Variants in THSD7B observed in about 807,000 individuals in gnomAD.
THSD7B encodes thrombospondin type-1 domain-containing protein 7B.
A neutral mutation model predicts 213.6 loss-of-function variants in THSD7B; 138 were observed. That is an observed-to-expected ratio of 0.65 (90% CI 0.56 to 0.74). THSD7B has a LOEUF of 0.74. Ranked by LOEUF, THSD7B falls within the 30% of genes least tolerant of loss-of-function variation. The probability of loss-of-function intolerance (pLI) is 0.00; values close to 1 mark genes in which losing one functional copy is unlikely to be tolerated. For synonymous variants in THSD7B, 742 were observed against 687.0 expected, an observed-to-expected ratio of 1.08 and a Z score of -1.25; for missense variants, 1,931 against 1,991.5, an observed-to-expected ratio of 0.97 and a Z score of 0.58.
chr2:137,086,203 G>C (rs183267164), intron 3 of THSD7B, among the ~76,000 whole-genome samples: 35 of 152,192 alleles, frequency 2.3e-4, no homozygotes, highest in African/African-American at 7.9e-4. Flanking sequence ...TGGGCGTGAT[G>C]GTGCACGCCT....
At chr2:137,204,386 AT>A (rs1308550079) in intron 7 of THSD7B, among the ~76,000 whole-genome samples, 1 of 152,056 alleles carries the variant, frequency 6.6e-6, no homozygotes, top group African/African-American at 2.4e-5. Flanking sequence ...TCCAGGTGGT[AT>A]TGTCTTCTGA....
chr2:137,620,651 G>A lies in THSD7B; in HGVS notation c.3724G>A (p.Val1242Met). The change falls in exon 20 of 28, where the codon GTG becomes ATG. Residue 1242 changes from valine (V) to methionine (M), a missense_variant. Physicochemically the swap from Val to Met is conservative, Grantham distance 21. Transcript: ENST00000409968. ...CCAGAGAATGAGCATTCCCTGCTTGGTGGAATGCGTGGTCAACTGTCAGCT... is the reference window on the plus strand; with the variant it reads ...CCAGAGAATGAGCATTCCCTGCTTGATGGAATGCGTGGTCAACTGTCAGCT... Reference protein sequence around the residue: ...KPQRMSIPCLVECVVNCQLSG... With the variant: ...KPQRMSIPCLMECVVNCQLSG... 1.2e-6 allele frequency: 2 copies of A among 1,613,952 alleles called. No homozygotes were observed. The highest frequency in any genetic ancestry group is 2.2e-5 in the East Asian group (1 of 44,880).
chr2:137,645,356 A>G (rs923746490), intron 21 of THSD7B, among the ~76,000 whole-genome samples: 2 of 152,208 alleles, frequency 1.3e-5, no homozygotes, highest in African/African-American at 4.8e-5. Flanking sequence ...GCTCTAGGCA[A>G]TGGAGAGTTA....
intron 7 of THSD7B, among the ~76,000 whole-genome samples, chr2:137,178,420 T>C (rs907443020): frequency 9.9e-5 from 15 of 152,212 alleles, no homozygotes; most frequent in African/African-American, 3.6e-4. Context: ...AAATACATTG[T>C]ATTAAATTTT....
At chr2:136,802,642 TATATA>T (rs1573644851) in intron 1 of THSD7B, among the ~76,000 whole-genome samples, 2 of 60,360 alleles carry the variant, frequency 3.3e-5, no homozygotes, top group East Asian at 1.2e-3. Flanking sequence ...ATTAAGTTTA[TATATA>T]TATATATATA....
At chr2:137,297,246 T>C (rs1016814871) in intron 12 of THSD7B, among the ~76,000 whole-genome samples, 12 of 149,372 alleles carry the variant, frequency 8.0e-5, no homozygotes, top group African/African-American at 3.0e-4. Context: ...ATCGCACCAC[T>C]ATTCTCCAGC....
At position 136,859,010 on chromosome 2, in the gene THSD7B, T is replaced by C. The variant is rs529516953; in HGVS notation, c.-35-23134T>C. On this transcript the variant is annotated intron_variant, in intron 1 of 27. Transcript: ENST00000409968. ...TGGAAATGCTGGTTGGGCTGACAGT[T>C]CCTGTTTCTTTCCCACGTGTGGGAA... 2.6e-5 allele frequency among the ~76,000 whole-genome samples: 4 copies of C among 152,304 alleles called. No individual in the cohort carries two copies. The South Asian group carries it at 8.3e-4, about 32-fold the overall frequency.
At chr2:137,166,197 G>A in intron 6 of THSD7B, among the ~76,000 whole-genome samples, 1 of 152,046 alleles carries the variant, frequency 6.6e-6, no homozygotes, top group Non-Finnish European at 1.5e-5. Flanking sequence ...TGATCGGCAG[G>A]TTGGTGCTTG....
chr2:136,822,208 G>A (rs1438402143), intron 1 of THSD7B, among the ~76,000 whole-genome samples: 1 of 152,158 alleles, frequency 6.6e-6, no homozygotes, highest in African/African-American at 2.4e-5. Context: ...TGAATTGATT[G>A]CTCAGAGTTA....
chr2:137,172,221 C>T (rs1384235556), intron 7 of THSD7B, among the ~76,000 whole-genome samples: 5 of 152,238 alleles, frequency 3.3e-5, no homozygotes, highest in Non-Finnish European at 5.9e-5. Context: ...GGTCTTTAAT[C>T]GTGGTTCCTG....
At chr2:137,065,008 T>G (rs1423804060) in intron 3 of THSD7B, among the ~76,000 whole-genome samples, 1 of 152,022 alleles carries the variant, frequency 6.6e-6, no homozygotes, top group Non-Finnish European at 1.5e-5. Context: ...GGGTCTTTTA[T>G]GGTTCCATAT....
rs1412883962 is a variant in THSD7B, at chr2:137,160,281, C to T, written c.1438C>T (p.Pro480Ser). 2 of 1,613,550 alleles carry T rather than the reference C, an allele frequency of 1.2e-6. No individual in the cohort carries two copies. The highest frequency in any genetic ancestry group is 2.2e-5 in the East Asian group (1 of 44,852). The change falls in exon 6 of 28, where the codon CCT becomes TCT. Residue 480 changes from proline (P) to serine (S), a missense_variant. By Grantham distance (74) the Pro-to-Ser change is moderately conservative (BLOSUM62 -1). Coordinates refer to ENST00000409968, the MANE Select transcript of THSD7B (RefSeq NM_001316349.2). ...APLPSQLCNI[P>S]CSTDCIVSSW... is the part of the protein sequence containing the mutation. ...GTTGCCCTCTCAGCTCTGCAATATC[C>T]CTTGCTCTACGGACTGCATAGTATC...
intron 2 of THSD7B, among the ~76,000 whole-genome samples, chr2:137,014,662 C>A (rs559245033): frequency 6.6e-6 from 1 of 152,302 alleles, no homozygotes; most frequent in East Asian, 1.9e-4. Context: ...TGGGGTTGGT[C>A]TGTTCTTTAT....
rs568581931 is a variant in THSD7B, at chr2:137,050,899, G to T, written c.140-5521G>T. Reference sequence around the variant, plus strand: ...TTCTTTATTTAGTATTATCCAATGCGTAACTCAGTAATGGATATATCTGAT... The same window carrying T: ...TTCTTTATTTAGTATTATCCAATGCTTAACTCAGTAATGGATATATCTGAT... On this transcript the variant is annotated intron_variant, in intron 2 of 27. Coordinates refer to ENST00000409968, the MANE Select transcript of THSD7B (RefSeq NM_001316349.2). Among the ~76,000 whole-genome samples, 48 of 152,216 alleles carry T rather than the reference G, an allele frequency of 3.2e-4. 1 individual carries two copies. The highest frequency in any genetic ancestry group is 7.2e-4 in the Admixed American group (11 of 15,298).
intron 3 of THSD7B, among the ~76,000 whole-genome samples, chr2:137,085,418 A>G (rs944611148): frequency 1.3e-5 from 2 of 152,174 alleles, no homozygotes; most frequent in African/African-American, 4.8e-5. Context: ...AGAGAAATAA[A>G]ATAAAAATAT....
chr2:136,853,551 T>C (rs72617043), intron 1 of THSD7B, among the ~76,000 whole-genome samples: 26,713 of 152,066 alleles, frequency 0.18, 2,762 homozygotes, highest in East Asian at 0.39. Context: ...CTAACCTTGA[T>C]AACCTGGTCA....
intron 2 of THSD7B, among the ~76,000 whole-genome samples, chr2:136,904,466 ACAGGGG>A (rs900437853): frequency 6.6e-6 from 1 of 152,188 alleles, no homozygotes; most frequent in Admixed American, 6.5e-5. Context: ...GCTACAGGAG[ACAGGGG>A]CATGTTCTGG....
intron 10 of THSD7B, among the ~76,000 whole-genome samples, chr2:137,257,087 C>T (rs930755973): frequency 3.9e-5 from 6 of 152,074 alleles, no homozygotes; most frequent in African/African-American, 7.2e-5. Flanking sequence ...TCCCGTGATC[C>T]GTAATCCCAT....
intron 2 of THSD7B, among the ~76,000 whole-genome samples, chr2:136,971,639 TAC>T (rs6146927): frequency 0.014 from 1,933 of 135,344 alleles, 37 homozygotes; most frequent in African/African-American, 0.049. Context: ...CAACAACAAA[TAC>T]ACACACACAC....
Sources: gnomAD v4.1 joint callset for allele counts (sites outside exome capture counted in the v4.1 genomes callset) on GRCh38, gnomAD v4.1.1 for gene constraint, MANE v1.5 for transcripts, NCBI Gene and HGNC (gene_info 2026-07-23, HGNC 2026-07-21) for gene names.